Variants in KCNQ1OT1 observed in about 807,000 individuals in gnomAD.
KCNQ1OT1 encodes the protein KCNQ1 opposite strand/antisense transcript 1, also known as KCNQ1 antisense RNA 2 (non-protein coding).
exon 1 of KCNQ1OT1, chr11:2,660,456 A>C (rs1194689846): frequency 2.5e-6 from 1 of 398,538 alleles, no homozygotes; most frequent in Admixed American, 4.4e-5. Context: ...AAGCAACATA[A>C]TTCAGGTGAA....
exon 1 of KCNQ1OT1, chr11:2,618,539 A>C: frequency 2.5e-6 from 1 of 398,510 alleles, no homozygotes; most frequent in Middle Eastern, 6.3e-4. Flanking sequence ...TGGGCTCTCT[A>C]TTCTGTTCCA....
At chr11:2,643,605 G>C (rs745476555) in exon 1 of KCNQ1OT1, 12 of 398,328 alleles carry the variant, frequency 3.0e-5, no homozygotes, top group Middle Eastern at 6.2e-4. Flanking sequence ...AGTCCATTCA[G>C]CCAGTCTGTC....
chr11:2,615,233 TTAAAA>T (rs1849042066), exon 1 of KCNQ1OT1: 3 of 398,048 alleles, frequency 7.5e-6, no homozygotes, highest in Non-Finnish European at 8.9e-6. Flanking sequence ...AATGATTTTC[TTAAAA>T]TAAATGTTGA....
chr11:2,613,779 A>G lies in KCNQ1OT1; in HGVS notation n.86216T>C. 2.5e-6 allele frequency: 1 copy of G among 398,518 alleles called. No individual in the cohort carries two copies. Among genetic ancestry groups the G allele is most frequent in the South Asian group, 1.3e-4 (1 of 7,854 alleles). 24.7% of individuals were successfully genotyped at this position (398,518 alleles called of 1,614,324 possible). Reference sequence around the variant, plus strand: ...AGCTACTGAGAGAAATCTTCCTCTCACCCATATCTCTTCCATCCTAATTCC... The same window carrying G: ...AGCTACTGAGAGAAATCTTCCTCTCGCCCATATCTCTTCCATCCTAATTCC... On this transcript the variant is annotated non_coding_transcript_exon_variant, in exon 1 of 1. Transcript: ENST00000597346. The surrounding 1 kb of genome is among the most constrained non-coding windows in gnomAD (Gnocchi z 4.8).
In KCNQ1OT1 at chr11:2,662,957, C is replaced by T. The variant is rs560032430; in HGVS notation, n.37038G>A. The T allele has an allele frequency of 2.6e-4, 105 of 398,704 alleles. No individual in the cohort carries two copies. In the East Asian group the frequency reaches 3.1e-3, roughly 12 times the overall value. The allele number at this position is 398,704 out of a possible 1,614,324, so 24.7% of individuals were successfully genotyped here. A position where few individuals can be genotyped will look rare whatever the true frequency, so the allele number is the denominator to read the frequency against. ...GTCTTTGTCGTAGTGAGGCCCTGGGCCTCCTGCCTTTGCAGCCAGCCAGGT... is the reference window on the plus strand; with the variant it reads ...GTCTTTGTCGTAGTGAGGCCCTGGGTCTCCTGCCTTTGCAGCCAGCCAGGT... On this transcript the variant is annotated non_coding_transcript_exon_variant, in exon 1 of 1. Transcript: ENST00000597346.
chr11:2,632,794 A>T, exon 1 of KCNQ1OT1: 1 of 398,456 alleles, frequency 2.5e-6, no homozygotes, highest in Non-Finnish European at 4.4e-6. Context: ...TTGTGTATAC[A>T]TACCACATTC....
At position 2,627,009 on chromosome 11, in the gene KCNQ1OT1, G is replaced by A. The variant is rs1849272361; in HGVS notation, n.72986C>T. 3 of 398,532 alleles carry A rather than the reference G, an allele frequency of 7.5e-6. No homozygotes were observed. The South Asian group carries it at 3.8e-4, about 51-fold the overall frequency. 24.7% of individuals were successfully genotyped at this position (398,532 alleles called of 1,614,324 possible). A position where few individuals can be genotyped will look rare whatever the true frequency, so the allele number is the denominator to read the frequency against. ...TTACCTTGGATTTGTAGATTGTTTTGTGTGGTACTGACACCTTAACAATAT... is the reference window on the plus strand; with the variant it reads ...TTACCTTGGATTTGTAGATTGTTTTATGTGGTACTGACACCTTAACAATAT... On this transcript the variant is annotated non_coding_transcript_exon_variant, in exon 1 of 1. Transcript: ENST00000597346. This position sits in a 1 kb window ranked among gnomAD's most constrained non-coding sequence, Gnocchi z 4.9.
chr11:2,699,617 G>C (rs745649840), exon 1 of KCNQ1OT1: 5 of 355,906 alleles, frequency 1.4e-5, no homozygotes, highest in Admixed American at 9.7e-5. Context: ...CCCCCGGAGA[G>C]AACCGCGCCG....
chr11:2,633,511 T>G, exon 1 of KCNQ1OT1: 1 of 398,570 alleles, frequency 2.5e-6, no homozygotes. Flanking sequence ...GGTCTCATGT[T>G]TAAGTCTCTA....
chr11:2,696,623 C>G, exon 1 of KCNQ1OT1: 1 of 398,630 alleles, frequency 2.5e-6, no homozygotes, highest in Non-Finnish European at 4.4e-6. Context: ...TGAGTGGAGT[C>G]CTGTTGAACT....
At chr11:2,631,267 G>C (rs1589992372) in exon 1 of KCNQ1OT1, 2 of 398,404 alleles carry the variant, frequency 5.0e-6, no homozygotes, top group East Asian at 7.1e-5. Flanking sequence ...AACTTCCCTT[G>C]TTACCTTTTC....
exon 1 of KCNQ1OT1, chr11:2,666,624 G>C: frequency 2.5e-6 from 1 of 398,650 alleles, no homozygotes. Flanking sequence ...CACAAGGGTG[G>C]CCCCAAATTT....
Position 2,611,442 on chromosome 11 carries a change from C to G in KCNQ1OT1, n.88553G>C, listed in dbSNP as rs1413510087. 5 of 397,650 alleles carry G rather than the reference C, an allele frequency of 1.3e-5. No homozygotes were observed. Among genetic ancestry groups the G allele is most frequent in the Non-Finnish European group, 2.2e-5 (5 of 226,062 alleles). 24.6% of individuals were successfully genotyped at this position (397,650 alleles called of 1,614,324 possible). ...GACCAGGCTGGTCTTGAACTCCTGA[C>G]CTCGAGTGATCTGTCTGCCTCAGCC... On this transcript the variant is annotated non_coding_transcript_exon_variant, in exon 1 of 1. Coordinates refer to ENST00000597346, the Ensembl canonical transcript of KCNQ1OT1. This position sits in a 1 kb window ranked among gnomAD's most constrained non-coding sequence, Gnocchi z 5.3.
At chr11:2,660,712 G>C (rs1034428089) in exon 1 of KCNQ1OT1, 2 of 398,542 alleles carry the variant, frequency 5.0e-6, no homozygotes, top group Admixed American at 4.4e-5. Context: ...ACCTTCATTC[G>C]GGCTTCATTC....
At chr11:2,681,241 T>C in exon 1 of KCNQ1OT1, 1 of 398,412 alleles carries the variant, frequency 2.5e-6, no homozygotes, top group Non-Finnish European at 4.4e-6. Flanking sequence ...AGCAGGAGAG[T>C]ATTCCTGCCT....
At chr11:2,649,482 T>C (rs1212510021) in exon 1 of KCNQ1OT1, 2 of 398,458 alleles carry the variant, frequency 5.0e-6, no homozygotes, top group African/African-American at 2.1e-5. Flanking sequence ...TAGTAATGAA[T>C]TCCCTCAGTT....
chr11:2,699,679 G>A, exon 1 of KCNQ1OT1: 1 of 355,192 alleles, frequency 2.8e-6, no homozygotes, highest in Non-Finnish European at 5.0e-6. Flanking sequence ...GAACCGCGCC[G>A]AAAAGCCCCG....
At chr11:2,667,255 A>G (rs922597693) in exon 1 of KCNQ1OT1, 18 of 398,514 alleles carry the variant, frequency 4.5e-5, no homozygotes, top group African/African-American at 3.7e-4. Context: ...CACGTGAGGA[A>G]GAAGCGGCTG....
exon 1 of KCNQ1OT1, chr11:2,643,509 C>A: frequency 2.5e-6 from 1 of 398,434 alleles, no homozygotes; most frequent in Non-Finnish European, 4.4e-6. Context: ...CATGTAATAT[C>A]TTTTCCCATT....
Sources: gnomAD v4.1 joint callset for allele counts on GRCh38, gnomAD v4.1.1 for gene constraint, Gnocchi (gnomAD v3.1) non-coding constraint, MANE v1.5 for transcripts, NCBI Gene and HGNC (gene_info 2026-07-23, HGNC 2026-07-21) for gene names.